The following PSMD6 variants were observed in gnomAD, a reference collection of about 807,000 sequenced individuals.
PSMD6 encodes 26S proteasome non-ATPase regulatory subunit 6.
Under a neutral mutation model 44.9 loss-of-function variants are expected in PSMD6, and 7 were observed. The observed-to-expected ratio is 0.16, with a 90% CI of 0.09 to 0.29. The LOEUF is 0.29. Among genes scored for constraint, PSMD6 ranks in the 10% least tolerant of loss-of-function variants. The pLI, the probability that PSMD6 is intolerant of heterozygous loss-of-function variation, is 1.00. For synonymous variants in PSMD6, 184 were observed against 172.7 expected, an observed-to-expected ratio of 1.07 and a Z score of -0.51; for missense variants, 420 against 482.6, an observed-to-expected ratio of 0.87 and a Z score of 1.21.
At chr3:64,014,241 T>C (rs756489320) in intron 5 of PSMD6, 2 of 152,130 alleles carry the variant, frequency 1.3e-5, no homozygotes, top group Admixed American at 6.5e-5. Flanking sequence ...TAATGAGCAA[T>C]CCACACAAAT....
intron 5 of PSMD6, 165 bp from the exon 6 acceptor site, chr3:64,013,772 A>G (rs1325062710): frequency 3.6e-6 from 2 of 561,334 alleles, no homozygotes; most frequent in Middle Eastern, 4.9e-4. Flanking sequence ...AACAGCAGTG[A>G]TAAAGGAGGG....
chr3:64,010,826 T>C (rs546208245), intron 7 of PSMD6, 52 bp downstream of exon 7: 37 of 1,574,794 alleles, frequency 2.3e-5, no homozygotes, highest in Non-Finnish European at 3.0e-5. Flanking sequence ...TGACAATAGT[T>C]GACCTACTTT....
intron 6 of PSMD6, chr3:64,013,224 C>T (rs955198812): frequency 1.9e-5 from 9 of 463,614 alleles, no homozygotes; most frequent in Admixed American, 7.9e-5. Context: ...CTCACTACAA[C>T]TCATCTTCCC....
chr3:64,019,367 G>A lies in PSMD6; in HGVS notation c.426C>T (p.Phe142=), dbSNP rs371987504. The A allele has an allele frequency of 1.3e-5, 21 of 1,606,494 alleles. No individual in the cohort carries two copies. Among genetic ancestry groups the A allele is most frequent in the Non-Finnish European group, 1.8e-5 (21 of 1,173,222 alleles). Residue 142 remains phenylalanine (F), a synonymous_variant, in exon 3 of 8, where the codon TTC becomes TTT. Coordinates refer to ENST00000295901, the MANE Select transcript of PSMD6 (RefSeq NM_014814.3). ...VALGHRLDIV[F]YLLRIGLFYM... is the part of the protein sequence containing the mutation. ...AAAATAAGCCAATCCTAAGGAGATA[G>A]AATACAATATCCAATCGGTGACCCA... is the stretch of plus-strand genomic sequence containing the variant.
At position 64,023,424 on chromosome 3, in the gene PSMD6, G is replaced by T. The variant is rs769607742; in HGVS notation, c.-5C>A. ...CTCCAGGTTCTCCAGCGGCATCGCG[G>T]CGAAGGGGACAGCGGCTGACAGGAC... is the stretch of plus-strand genomic sequence containing the variant. On this transcript the variant is annotated 5_prime_UTR_variant, in exon 1 of 8. Transcript: ENST00000295901. 3 of 1,596,602 alleles carry T rather than the reference G, an allele frequency of 1.9e-6. No individual in the cohort carries two copies. Among genetic ancestry groups the T allele is most frequent in the Non-Finnish European group, 2.6e-6 (3 of 1,168,806 alleles).
Position 64,018,653 on chromosome 3 carries a change from G to C in PSMD6, c.772C>G (p.Gln258Glu). ...CATTCATAGAGTGAAAACAGATACT[G>C]CCGAACTGCTGGAAGACTGTGCAAC... ...EVLHSLPAVR[Q>E]YLFSLYECRY... The change falls in exon 5 of 8, where the codon CAG (glutamine) becomes GAG (glutamate). Residue 258 changes from glutamine (Q) to glutamate (E), a missense_variant. This residue lies in a region of PSMD6 where 216 missense variants were observed against 227.0 expected (regional missense o/e 0.95). Coordinates refer to ENST00000295901, the MANE Select transcript of PSMD6 (RefSeq NM_014814.3). 1 of 1,606,544 alleles carries C rather than the reference G, an allele frequency of 6.2e-7. No homozygotes were observed. Among genetic ancestry groups the C allele is most frequent in the Non-Finnish European group, 8.5e-7 (1 of 1,173,160 alleles).
At chr3:64,023,085 T>A in intron 1 of PSMD6, 190 bp downstream of exon 1, 1 of 1,426,760 alleles carries the variant, frequency 7.0e-7, no homozygotes, top group South Asian at 1.5e-5. Flanking sequence ...CAGACCCCGC[T>A]GAGGCAAGTC....
At position 64,019,378 on chromosome 3, in the gene PSMD6, C is replaced by T. The variant is rs1370544532; in HGVS notation, c.415G>A (p.Asp139Asn). The T allele has an allele frequency of 6.2e-7, 1 of 1,609,530 alleles. No homozygotes were observed. Among genetic ancestry groups the T allele is most frequent in the East Asian group, 2.2e-5 (1 of 44,840 alleles). ...DKTVALGHRLDIVFYLLRIGL... is the reference protein window; with the variant it reads ...DKTVALGHRLNIVFYLLRIGL... ...ATCCTAAGGAGATAGAATACAATATCCAATCGGTGACCCAGGGCCACAGTT... is the reference window on the plus strand; with the variant it reads ...ATCCTAAGGAGATAGAATACAATATTCAATCGGTGACCCAGGGCCACAGTT... Residue 139 changes from aspartate to asparagine, a missense_variant, in exon 3 of 8, where the codon GAT (aspartate) becomes AAT (asparagine). Physicochemically the swap from Asp to Asn is conservative, Grantham distance 23. Transcript: ENST00000295901.
At chr3:64,023,504 GCC>G (rs2076168614), upstream of PSMD6, 1 of 1,439,956 alleles carries the variant, frequency 6.9e-7, no homozygotes. Context: ...CGGCGAATAC[GCC>G]CGGCCGCCTG....
At chr3:64,014,114 G>A (rs1425671735) in intron 5 of PSMD6, 1 of 152,254 alleles carries the variant, frequency 6.6e-6, no homozygotes, top group African/African-American at 2.4e-5. Context: ...GTCTACGTAA[G>A]AAAACACTAT....
At position 64,014,460 on chromosome 3, in the gene PSMD6, G is replaced by C. The variant is rs533651061; in HGVS notation, c.827-853C>G. The C allele has an allele frequency of 2.0e-5, 3 of 152,126 alleles. No homozygotes were observed. In the South Asian group the frequency reaches 6.2e-4, roughly 32 times the overall value. The allele number at this position is 152,126 out of a possible 1,614,324, so 9.4% of individuals were successfully genotyped here. On this transcript the variant is annotated intron_variant, in intron 5 of 7. Coordinates refer to ENST00000295901, the MANE Select transcript of PSMD6 (RefSeq NM_014814.3). Reference sequence around the variant, plus strand: ...GCCCTCCACTGGATTGGGGTGGACAGGGAATACCTCTCTCAGGGGCTGGCT... The same window carrying C: ...GCCCTCCACTGGATTGGGGTGGACACGGAATACCTCTCTCAGGGGCTGGCT...
chr3:64,022,185 G>T, intron 2 of PSMD6, 133 bp downstream of exon 2: 1 of 998,778 alleles, frequency 1.0e-6, no homozygotes, highest in Non-Finnish European at 1.5e-6. Flanking sequence ...TGATTCACCA[G>T]TACAAGCAAG....
rs2076082903 is a variant in PSMD6 at position 64,018,546 on chromosome 3, G to A, written c.826+53C>T. ...AATCGTCTTAGGTTATTTGCACATA[G>A]GATCAGGAGTAAGATGAAGACAGAT... On this transcript the variant is annotated intron_variant, in intron 5 of 7. Transcript: ENST00000295901. 5 of 1,332,818 alleles carry A rather than the reference G, an allele frequency of 3.8e-6. No individual in the cohort carries two copies. The Admixed American group carries it at 7.8e-5, about 21-fold the overall frequency. 82.6% of individuals were successfully genotyped at this position (1,332,818 alleles called of 1,614,324 possible).
In PSMD6 at chr3:64,018,689, T is replaced by C. The variant is rs1559676820; in HGVS notation, c.736A>G (p.Ile246Val). 6.2e-7 allele frequency: 1 copy of C among 1,601,206 alleles called. No homozygotes were observed. The highest frequency in any genetic ancestry group is 8.6e-7 in the Non-Finnish European group (1 of 1,168,920). The stretch of plus-strand genomic sequence containing the variant: ...GGAAGACTGTGCAACACTTCAAGAA[T>C]CTCTGCTCCTTTAATGACCTAGGTA... ...LREKVIKGAE[I>V]LEVLHSLPAV... Residue 246 changes from isoleucine (I) to valine (V), a missense_variant, in exon 5 of 8, where the codon ATT (isoleucine) becomes GTT (valine). Ile to Val is a conservative substitution (Grantham distance 29). Transcript: ENST00000295901.
At chr3:64,015,201 C>G (rs1284678130) in intron 5 of PSMD6, 1 of 152,188 alleles carries the variant, frequency 6.6e-6, no homozygotes, top group Non-Finnish European at 1.5e-5. Flanking sequence ...GACAGGTTCT[C>G]TCAAATGCTA....
chr3:64,017,035 A>C (rs2076054695), intron 5 of PSMD6: 1 of 152,268 alleles, frequency 6.6e-6, no homozygotes, highest in African/African-American at 2.4e-5. Context: ...TTATAAAGTG[A>C]AAGAAGCCAG....
chr3:64,019,010 G>T lies in PSMD6; in HGVS notation c.525C>A (p.Asp175Glu). The part of the protein sequence containing the change: ...KSLIEEGGDW[D>E]RRNRLKVYQG... ...GATACACTTTTAGGCGGTTTCTCCTGTCCCAGTCTCCTCCTTCTTCTATTA... is the reference window on the plus strand; with the variant it reads ...GATACACTTTTAGGCGGTTTCTCCTTTCCCAGTCTCCTCCTTCTTCTATTA... Residue 175 changes from aspartate (D) to glutamate (E), a missense_variant, in exon 4 of 8, where the codon GAC (aspartate) becomes GAA (glutamate). Physicochemically the swap from Asp to Glu is conservative, Grantham distance 45. This residue lies in a region of PSMD6 where 216 missense variants were observed against 227.0 expected (regional missense o/e 0.95). Coordinates refer to ENST00000295901, the MANE Select transcript of PSMD6 (RefSeq NM_014814.3). 6.2e-7 allele frequency: 1 copy of T among 1,610,194 alleles called. No homozygotes were observed. The highest frequency in any genetic ancestry group is 8.5e-7 in the Non-Finnish European group (1 of 1,176,458).
chr3:64,010,828 A>T, intron 7 of PSMD6, 50 bp downstream of exon 7: 2 of 1,574,402 alleles, frequency 1.3e-6, no homozygotes, highest in Non-Finnish European at 1.7e-6. Flanking sequence ...ACAATAGTTG[A>T]CCTACTTTTA....
At chr3:64,018,729 T>C (rs781503932) in intron 4 of PSMD6, 22 bp from the exon 5 acceptor site, 162 of 1,516,964 alleles carry the variant, frequency 1.1e-4, no homozygotes, top group Non-Finnish European at 1.3e-4. Flanking sequence ...AAAAAACATA[T>C]ATACAAAAAA....
Sources: gnomAD v4.1 joint callset for allele counts on GRCh38, gnomAD v4.1.1 for gene constraint, gnomAD v4.1.1 regional missense constraint, MANE v1.5 for transcripts, NCBI Gene and HGNC (gene_info 2026-07-23, HGNC 2026-07-21) for gene names.